Variants in CTSA observed in about 807,000 individuals in gnomAD.
The protein encoded by CTSA is lysosomal protective protein.
Under a neutral mutation model 66.7 loss-of-function variants are expected in CTSA, and 42 were observed. That is an observed-to-expected ratio of 0.63 (90% CI 0.49 to 0.81). The LOEUF (loss-of-function observed/expected upper bound fraction) is 0.81, where lower values mean the gene tolerates loss of function less well. Among genes scored for constraint, CTSA ranks in the 40% least tolerant of loss-of-function variants. CTSA has a pLI of 0.00. For missense variants in CTSA, 525 were observed against 610.9 expected, an observed-to-expected ratio of 0.86 and a Z score of 1.48; for synonymous variants, 225 against 248.6, an observed-to-expected ratio of 0.91 and a Z score of 0.89.
intron 3 of CTSA, 44 bp downstream of exon 3, chr20:45,892,071 G>A (rs1189624905): frequency 1.3e-6 from 2 of 1,566,138 alleles, no homozygotes; most frequent in Admixed American, 3.3e-5. Context: ...AAAGTAAAAG[G>A]CTGGGGAAAG....
Position 45,891,563 on chromosome 20 carries a change from C to T in CTSA, c.1-6C>T. ...GAGTCAACAGCCCCTCTGCTGCCTC[C>T]CGTAGATGATCCGAGCCGCGCCGCC... On this transcript the variant is annotated splice_polypyrimidine_tract_variant and splice_region_variant and intron_variant, in intron 1 of 14. Coordinates refer to ENST00000646241, the MANE Select transcript of CTSA (RefSeq NM_000308.4). This position sits in a 1 kb window ranked among gnomAD's most constrained non-coding sequence, Gnocchi z 4.6. 1 of 1,603,074 alleles carries T rather than the reference C, an allele frequency of 6.2e-7. No individual in the cohort carries two copies. The highest frequency in any genetic ancestry group is 1.3e-5 in the African/African-American group (1 of 74,668).
chr20:45,892,883 G>A lies in CTSA; in HGVS notation c.600+3G>A, dbSNP rs1175825927. Reference sequence around the variant, plus strand: ...AGGATCCCAGCATGAACCTTCAGGTGCAGGGTAGCTGCAGGAGGGAAGGGA... The same window carrying A: ...AGGATCCCAGCATGAACCTTCAGGTACAGGGTAGCTGCAGGAGGGAAGGGA... On this transcript the variant is annotated splice_donor_region_variant and intron_variant, in intron 6 of 14. Coordinates refer to ENST00000646241, the MANE Select transcript of CTSA (RefSeq NM_000308.4). 8 of 1,613,992 alleles carry A rather than the reference G, an allele frequency of 5.0e-6. No homozygotes were observed. Among genetic ancestry groups the A allele is most frequent in the Non-Finnish European group, 6.8e-6 (8 of 1,180,000 alleles).
rs2145824993 is a variant in CTSA at position 45,898,306 on chromosome 20, G to T, written c.1360-61G>T. ...TGGGATGAAGGAATTGCCCCCGAGT[G>T]AGCAGTTATATGGGGAGGAGGGAAT... On this transcript the variant is annotated intron_variant, in intron 14 of 14. Transcript: ENST00000646241. This position sits in a 1 kb window ranked among gnomAD's most constrained non-coding sequence, Gnocchi z 4.6. 1.4e-6 allele frequency: 2 copies of T among 1,455,452 alleles called. No individual in the cohort carries two copies. Among genetic ancestry groups the T allele is most frequent in the South Asian group, 2.3e-5 (2 of 85,852 alleles). 90.2% of individuals were successfully genotyped at this position (1,455,452 alleles called of 1,614,324 possible).
Position 45,891,839 on chromosome 20 carries a change from C to G in CTSA, c.194+77C>G. On this transcript the variant is annotated intron_variant, in intron 2 of 14. Coordinates refer to ENST00000646241, the MANE Select transcript of CTSA (RefSeq NM_000308.4). This position sits in a 1 kb window ranked among gnomAD's most constrained non-coding sequence, Gnocchi z 4.6. Reference sequence around the variant, plus strand: ...GGATGGGGGGTAGTTCTGCAGACCCCTGAGGATGCCTGGGAGCCGGGAGGG... The same window carrying G: ...GGATGGGGGGTAGTTCTGCAGACCCGTGAGGATGCCTGGGAGCCGGGAGGG... 1.2e-6 allele frequency: 2 copies of G among 1,609,482 alleles called. No homozygotes were observed. The highest frequency in any genetic ancestry group is 2.2e-5 in the South Asian group (2 of 90,986).
At chr20:45,892,960 A>G (rs537721967) in intron 6 of CTSA, 80 bp downstream of exon 6, 21 of 1,528,814 alleles carry the variant, frequency 1.4e-5, no homozygotes, top group Middle Eastern at 2.3e-4. Context: ...TGACTGGTCA[A>G]TGTCCCCATC....
chr20:45,894,615 T>C (rs775700745), intron 8 of CTSA, 35 bp from the exon 9 acceptor site: 14 of 1,577,626 alleles, frequency 8.9e-6, no homozygotes, highest in Non-Finnish European at 1.2e-5. Flanking sequence ...AGGCTGGGGA[T>C]CTGTAAAGCA....
intron 7 of CTSA, among the ~76,000 whole-genome samples, chr20:45,893,695 G>C (rs1987092696): frequency 6.6e-6 from 1 of 152,044 alleles, no homozygotes; most frequent in Non-Finnish European, 1.5e-5. Context: ...TGTTGGCCAG[G>C]CTGGACTTGA....
At chr20:45,895,304 C>A in intron 11 of CTSA, 171 bp downstream of exon 11, 1 of 754,150 alleles carries the variant, frequency 1.3e-6, no homozygotes, top group Admixed American at 2.9e-5. Flanking sequence ...CCAATTCATT[C>A]TTTTATCTTT....
At chr20:45,892,373 T>C in intron 4 of CTSA, 25 bp from the exon 5 acceptor site, 1 of 1,613,972 alleles carries the variant, frequency 6.2e-7, no homozygotes. Flanking sequence ...GGGTGGCATT[T>C]AGCTAATTTT....
intron 12 of CTSA, 92 bp downstream of exon 12, chr20:45,897,132 C>A (rs904390262): frequency 2.9e-6 from 3 of 1,051,216 alleles, no homozygotes; most frequent in Non-Finnish European, 4.4e-6. Context: ...CCTGTCAGGA[C>A]AAGGGAAGCT....
chr20:45,892,019 C>T lies in CTSA; in HGVS notation c.298C>T (p.Pro100Ser). Residue 100 changes from proline (P) to serine (S), a missense_variant, in exon 3 of 15, where the codon CCC becomes TCC. Physicochemically the swap from Pro to Ser is moderately conservative, Grantham distance 74. Coordinates refer to ENST00000646241, the MANE Select transcript of CTSA (RefSeq NM_000308.4). ...AGATGGGCTCCTCACAGAGCATGGC[C>T]CCTTCCTGGTGAGTGGACAGCAGGG... ...SLDGLLTEHG[P>S]FLVQPDGVTL... 1 of 1,613,722 alleles carries T rather than the reference C, an allele frequency of 6.2e-7. No individual in the cohort carries two copies. Among genetic ancestry groups the T allele is most frequent in the Non-Finnish European group, 8.5e-7 (1 of 1,179,668 alleles).
chr20:45,897,918 TG>T, intron 13 of CTSA, 86 bp from the exon 14 acceptor site: 1 of 1,550,010 alleles, frequency 6.5e-7, no homozygotes, highest in Non-Finnish European at 8.9e-7. Flanking sequence ...AGGGCAAGTG[TG>T]GAGGAATTCC....
Position 45,891,929 on chromosome 20 carries a change from CAGA to C in CTSA, c.211_213del (p.Lys71del). 1.9e-6 allele frequency: 3 copies of C among 1,614,112 alleles called. No individual in the cohort carries two copies. Among genetic ancestry groups the C allele is most frequent in the Non-Finnish European group, 2.5e-6 (3 of 1,179,992 alleles). ...CCCCCCTCCCAGGTTTGTGGAGTCC[CAGA>C]AGGATCCCGAGAACAGCCCTGTGGT... On this transcript the variant is annotated inframe_deletion, in exon 3 of 15. Transcript: ENST00000646241. This position sits in a 1 kb window ranked among gnomAD's most constrained non-coding sequence, Gnocchi z 4.6.
chr20:45,895,166 G>A (rs757559156), intron 11 of CTSA, 33 bp downstream of exon 11: 1 of 1,613,890 alleles, frequency 6.2e-7, no homozygotes. Context: ...GACTTGGGGT[G>A]GTGGGTTGCT....
chr20:45,897,950 T>C (rs1424830765), intron 13 of CTSA, 55 bp from the exon 14 acceptor site: 2 of 1,589,624 alleles, frequency 1.3e-6, no homozygotes, highest in African/African-American at 2.7e-5. Context: ...GTCTTGCTGG[T>C]AGCTGTGAGC....
chr20:45,892,260 C>G lies in CTSA; in HGVS notation c.307-13C>G. 2 of 1,613,858 alleles carry G rather than the reference C, an allele frequency of 1.2e-6. No individual in the cohort carries two copies. The highest frequency in any genetic ancestry group is 8.5e-7 in the Non-Finnish European group (1 of 1,179,994). On this transcript the variant is annotated splice_polypyrimidine_tract_variant and intron_variant, in intron 3 of 14. Transcript: ENST00000646241. The stretch of plus-strand genomic sequence containing the variant: ...GCCCTTGGGACTTACTCAGCCATCT[C>G]TTTCCTCCTCAGGTCCAGCCAGATG...
In CTSA at chr20:45,895,022, G is replaced by A. The variant is rs554534522; in HGVS notation, c.977G>A (p.Arg326His). The change falls in exon 11 of 15, where the codon CGC (arginine) becomes CAC (histidine). Residue 326 changes from arginine to histidine, a missense_variant. Arg to His is a conservative substitution (Grantham distance 29, BLOSUM62 0). Transcript: ENST00000646241. ...CTGCTGCGCTCAGGGGATAAAGTGC[G>A]CATGGACCCCCCCTGCACCAACACA... ...QALLRSGDKV[R>H]MDPPCTNTTA... is the part of the protein sequence containing the mutation. 2.4e-4 allele frequency: 387 copies of A among 1,614,008 alleles called. No individual in the cohort carries two copies. The highest frequency in any genetic ancestry group is 3.0e-4 in the Non-Finnish European group (355 of 1,180,026).
chr20:45,895,634 T>C (rs1601145147), intron 11 of CTSA, among the ~76,000 whole-genome samples: 1 of 151,984 alleles, frequency 6.6e-6, no homozygotes, highest in Non-Finnish European at 1.5e-5. Context: ...CGTAGCCACA[T>C]TGGTTGTTGT....
rs1434409055 is a variant in CTSA at position 45,891,664 on chromosome 20, G to A, written c.96G>A (p.Gln32=). Residue 32 remains glutamine (Q), a synonymous_variant, in exon 2 of 15, where the codon CAG becomes CAA. Coordinates refer to ENST00000646241, the MANE Select transcript of CTSA (RefSeq NM_000308.4). The surrounding 1 kb of genome is among the most constrained non-coding windows in gnomAD (Gnocchi z 4.6). ...WASRGEAAPD[Q]DEIQRLPGLA... Reference sequence around the variant, plus strand: ...CCCGAGGCGAGGCAGCCCCCGACCAGGACGAGATCCAGCGCCTCCCCGGGC... The same window carrying A: ...CCCGAGGCGAGGCAGCCCCCGACCAAGACGAGATCCAGCGCCTCCCCGGGC... 1 of 1,612,858 alleles carries A rather than the reference G, an allele frequency of 6.2e-7. No homozygotes were observed.
Sources: gnomAD v4.1 joint callset for allele counts (sites outside exome capture counted in the v4.1 genomes callset) on GRCh38, gnomAD v4.1.1 for gene constraint, Gnocchi (gnomAD v3.1) non-coding constraint, MANE v1.5 for transcripts, NCBI Gene and HGNC (gene_info 2026-07-23, HGNC 2026-07-21) for gene names.